PGLYRP4: variants seen among roughly 807,000 people sequenced by gnomAD.
The protein encoded by PGLYRP4 is peptidoglycan recognition protein 4, also known as PGRP-I-beta.
In PGLYRP4, 39 loss-of-function variants were observed where a neutral mutation model predicts 41.2. The observed-to-expected ratio is 0.95, with a 90% CI of 0.73 to 1.24. The LOEUF is 1.24. Ranked by LOEUF, PGLYRP4 falls within the 50% of genes most tolerant of loss-of-function variation. The pLI is 0.00. For synonymous variants in PGLYRP4, 202 were observed against 186.8 expected (o/e 1.08, Z -0.66); for missense variants, 467 against 460.7 (o/e 1.01, Z -0.13).
At chr1:153,339,790 G>T (rs182623541) in intron 7 of PGLYRP4, among the ~76,000 whole-genome samples, 166 of 152,014 alleles carry the variant, frequency 1.1e-3, no homozygotes, top group African/African-American at 3.5e-3. Context: ...AAAAAGAAAT[G>T]TTTACTCTTC....
At chr1:153,341,985 C>T (rs1347846224) in intron 5 of PGLYRP4, among the ~76,000 whole-genome samples, 1 of 152,132 alleles carries the variant, frequency 6.6e-6, no homozygotes. Context: ...CCTTTCTCAT[C>T]CCAAATACCT....
At chr1:153,340,860 C>T (rs1201480890) in intron 6 of PGLYRP4, among the ~76,000 whole-genome samples, 1 of 152,184 alleles carries the variant, frequency 6.6e-6, no homozygotes, top group Non-Finnish European at 1.5e-5. Context: ...ACAGATGGCA[C>T]CAGAGATCAA....
intron 5 of PGLYRP4, among the ~76,000 whole-genome samples, chr1:153,342,433 G>A (rs1441864249): frequency 6.6e-6 from 1 of 152,166 alleles, no homozygotes. Context: ...TGCACAACAG[G>A]GGTCATGAAA....
At chr1:153,342,224 C>T (rs1215334592) in intron 5 of PGLYRP4, among the ~76,000 whole-genome samples, 1 of 152,194 alleles carries the variant, frequency 6.6e-6, no homozygotes, top group Non-Finnish European at 1.5e-5. Flanking sequence ...GTAATGTGCT[C>T]AAGATCCCAA....
chr1:153,333,172 C>T (rs1326373425), intron 8 of PGLYRP4, among the ~76,000 whole-genome samples: 2 of 151,908 alleles, frequency 1.3e-5, no homozygotes, highest in African/African-American at 4.8e-5. Flanking sequence ...AGACCACTAG[C>T]TAGATTAACC....
intron 2 of PGLYRP4, among the ~76,000 whole-genome samples, chr1:153,347,359 T>G (rs1204923079): frequency 6.6e-6 from 1 of 150,610 alleles, no homozygotes; most frequent in Non-Finnish European, 1.5e-5. Context: ...GGGTTTGTTT[T>G]TGTTTGTTTG....
chr1:153,334,563 C>A (rs1298277403), intron 8 of PGLYRP4, among the ~76,000 whole-genome samples: 4 of 150,180 alleles, frequency 2.7e-5, no homozygotes, highest in Non-Finnish European at 5.9e-5. Context: ...ATGACACAAA[C>A]AAATGAGAAG....
Position 153,330,766 on chromosome 1 carries a change from C to G in PGLYRP4, c.*1G>C, listed in dbSNP as rs756950824. On this transcript the variant is annotated 3_prime_UTR_variant, in exon 9 of 9. Transcript: ENST00000359650. ...AGTCTCAGAAGGACCTGGGGCTTCT[C>G]TCAGTGTTTGAAATGAGGCCAGGTG... 52 of 1,611,842 alleles carry G rather than the reference C, an allele frequency of 3.2e-5. No homozygotes were observed. The highest frequency in any genetic ancestry group is 2.9e-4 in the South Asian group (26 of 91,006).
intron 3 of PGLYRP4, 24 bp downstream of exon 3, chr1:153,346,078 C>G: frequency 1.3e-6 from 2 of 1,561,056 alleles, no homozygotes; most frequent in Non-Finnish European, 8.8e-7. Flanking sequence ...CCCAAAACCC[C>G]CTTACTATCC....
chr1:153,344,329 A>G (rs927179725), intron 4 of PGLYRP4, among the ~76,000 whole-genome samples: 1 of 152,188 alleles, frequency 6.6e-6, no homozygotes, highest in African/African-American at 2.4e-5. Flanking sequence ...CCAGCAAAGT[A>G]TGTGAAATTG....
At chr1:153,332,389 G>A (rs1393493021) in intron 8 of PGLYRP4, among the ~76,000 whole-genome samples, 1 of 151,958 alleles carries the variant, frequency 6.6e-6, no homozygotes, top group African/African-American at 2.4e-5. Context: ...AACAAATACT[G>A]CTAGACCTAA....
chr1:153,332,600 A>G (rs193267173), intron 8 of PGLYRP4, among the ~76,000 whole-genome samples: 160 of 152,310 alleles, frequency 1.1e-3, no homozygotes, highest in African/African-American at 3.5e-3. Context: ...TGCACACAGA[A>G]CAGTCTCAAA....
At chr1:153,346,627 T>C (rs1160819955) in intron 2 of PGLYRP4, among the ~76,000 whole-genome samples, 1 of 152,238 alleles carries the variant, frequency 6.6e-6, no homozygotes, top group Non-Finnish European at 1.5e-5. Flanking sequence ...GGATTGATTT[T>C]AGGGACGTGT....
chr1:153,334,287 T>C (rs188723003), intron 8 of PGLYRP4, among the ~76,000 whole-genome samples: 8 of 151,478 alleles, frequency 5.3e-5, no homozygotes, highest in Non-Finnish European at 1.5e-5. Context: ...AAGAACTCAA[T>C]TCCATATACA....
chr1:153,347,989 C>G lies in PGLYRP4; in HGVS notation c.-46-11G>C, dbSNP rs1017168074. 7.2e-7 allele frequency: 1 copy of G among 1,392,078 alleles called. No individual in the cohort carries two copies. Among genetic ancestry groups the G allele is most frequent in the African/African-American group, 1.4e-5 (1 of 70,034 alleles). 86.2% of individuals were successfully genotyped at this position (1,392,078 alleles called of 1,614,324 possible). Reference sequence around the variant, plus strand: ...AGTGTGGATGGCAGCCTGAGAGAGACGCTGACAGTTGTTAACATGACCATT... The same window carrying G: ...AGTGTGGATGGCAGCCTGAGAGAGAGGCTGACAGTTGTTAACATGACCATT... On this transcript the variant is annotated splice_polypyrimidine_tract_variant and intron_variant, in intron 1 of 8. Transcript: ENST00000359650.
Position 153,330,445 on chromosome 1 carries a change from G to A in PGLYRP4, c.*322C>T. ...AGGGGAAGGCTCACCAGGCAGAGGG[G>A]AATGGAGAGAGAGAGAGAAATGAAA... On this transcript the variant is annotated 3_prime_UTR_variant, in exon 9 of 9. Coordinates refer to ENST00000359650, the MANE Select transcript of PGLYRP4 (RefSeq NM_020393.4). The A allele has an allele frequency of 5.0e-6, 1 of 198,830 alleles. No homozygotes were observed. Among genetic ancestry groups the A allele is most frequent in the Non-Finnish European group, 1.1e-5 (1 of 94,470 alleles). 12.3% of individuals were successfully genotyped at this position (198,830 alleles called of 1,614,324 possible). A position where few individuals can be genotyped will look rare whatever the true frequency, so the allele number is the denominator to read the frequency against.
Position 153,339,774 on chromosome 1 carries a change from GAA to G in PGLYRP4, c.824+605_824+606del, listed in dbSNP as rs5777857. On this transcript the variant is annotated intron_variant, in intron 7 of 8. Transcript: ENST00000359650. ...ACCCTTTAAGATAATGCTTAATGGG[GAA>G]AAAAAAAAGAAATGTTTACTCTTCC... 8.6e-4 allele frequency among the ~76,000 whole-genome samples: 131 copies of G among 151,672 alleles called. No homozygotes were observed. The East Asian group carries it at 0.02, about 24-fold the overall frequency.
chr1:153,339,023 T>G (rs911740646), intron 7 of PGLYRP4, among the ~76,000 whole-genome samples: 1 of 152,212 alleles, frequency 6.6e-6, no homozygotes, highest in Admixed American at 6.5e-5. Context: ...TGAATTGTAA[T>G]CTATGAAGGA....
At chr1:153,347,189 C>G (rs1269864750) in intron 2 of PGLYRP4, among the ~76,000 whole-genome samples, 4 of 151,788 alleles carry the variant, frequency 2.6e-5, no homozygotes, top group African/African-American at 4.8e-5. Flanking sequence ...TTCTCTCATG[C>G]CTCCCTCCCG....
Sources: gnomAD v4.1 joint callset for allele counts (sites outside exome capture counted in the v4.1 genomes callset) on GRCh38, gnomAD v4.1.1 for gene constraint, MANE v1.5 for transcripts, NCBI Gene and HGNC (gene_info 2026-07-23, HGNC 2026-07-21) for gene names.